The following FHIT variants were observed in gnomAD, a reference collection of about 807,000 sequenced individuals.
FHIT encodes bis(5'-adenosyl)-triphosphatase.
A neutral mutation model predicts 17.9 loss-of-function variants in FHIT; 19 were observed. The ratio of observed to expected loss-of-function variants is 1.06; its 90% confidence interval spans 0.74 to 1.56. The LOEUF (loss-of-function observed/expected upper bound fraction) is 1.56. FHIT is among the 40% of genes most tolerant of loss of function. FHIT has a pLI of 0.00. For synonymous variants in FHIT, 81 were observed against 69.7 expected, an observed-to-expected ratio of 1.16 and a Z score of -0.81; for missense variants, 248 against 189.2, an observed-to-expected ratio of 1.31 and a Z score of -1.82.
chr3:60,563,859 C>G (rs1249183195), intron 4 of FHIT, among the ~76,000 whole-genome samples: 3 of 152,160 alleles, frequency 2.0e-5, no homozygotes, highest in Non-Finnish European at 4.4e-5. Flanking sequence ...GGTGAAGCAG[C>G]AAGTGCTAAT....
At chr3:60,585,416 C>A (rs1374832219) in intron 4 of FHIT, among the ~76,000 whole-genome samples, 2 of 151,926 alleles carry the variant, frequency 1.3e-5, no homozygotes, top group African/African-American at 4.8e-5. Context: ...TGGTAGTCAC[C>A]CTTAAGTTAT....
chr3:59,927,625 C>G (rs1705736331), intron 7 of FHIT, among the ~76,000 whole-genome samples: 1 of 151,802 alleles, frequency 6.6e-6, no homozygotes, highest in Non-Finnish European at 1.5e-5. Flanking sequence ...AAAAGTTAGC[C>G]AGGCGTGGTG....
At chr3:60,575,139 G>C (rs1553657103) in intron 4 of FHIT, among the ~76,000 whole-genome samples, 1 of 151,464 alleles carries the variant, frequency 6.6e-6, no homozygotes, top group East Asian at 2.0e-4. Flanking sequence ...AAGGCAGTAA[G>C]TAATAAGGGT....
chr3:60,424,454 A>G (rs241692), intron 5 of FHIT, among the ~76,000 whole-genome samples: 11,994 of 152,262 alleles, frequency 0.079, 568 homozygotes, highest in Middle Eastern at 0.15. Context: ...TTACAAAGCT[A>G]AAGTCAGAAA....
chr3:60,240,420 A>C (rs562847959), intron 5 of FHIT, among the ~76,000 whole-genome samples: 2 of 152,296 alleles, frequency 1.3e-5, no homozygotes, highest in African/African-American at 4.8e-5. Flanking sequence ...ATCAAACTAC[A>C]ACATATGCTA....
chr3:60,388,369 G>A (rs962301846), intron 5 of FHIT, among the ~76,000 whole-genome samples: 2 of 152,148 alleles, frequency 1.3e-5, no homozygotes, highest in Non-Finnish European at 2.9e-5. Context: ...GGAAGCTGAG[G>A]CAGGCAGACT....
chr3:60,406,738 C>T (rs962114833), intron 5 of FHIT, among the ~76,000 whole-genome samples: 1 of 152,072 alleles, frequency 6.6e-6, no homozygotes, highest in South Asian at 2.1e-4. Flanking sequence ...GCAGCCCAAC[C>T]ATTCCATGAA....
At chr3:60,397,336 C>G (rs1327627316) in intron 5 of FHIT, among the ~76,000 whole-genome samples, 1 of 152,096 alleles carries the variant, frequency 6.6e-6, no homozygotes, top group Non-Finnish European at 1.5e-5. Flanking sequence ...GACCATGATG[C>G]TAATGCTTGT....
intron 5 of FHIT, among the ~76,000 whole-genome samples, chr3:60,182,925 A>G (rs1193392606): frequency 1.3e-5 from 2 of 151,898 alleles, no homozygotes; most frequent in Non-Finnish European, 2.9e-5. Flanking sequence ...AAAAAAAAAA[A>G]AGAAAAAAAA....
In FHIT at chr3:60,008,858, G is replaced by C. The variant is rs376962053; in HGVS notation, c.279+2513C>G. The stretch of plus-strand genomic sequence containing the variant: ...GGCTACTGCAAGACTGGCTTCCAGG[G>C]GTCATAATTATGTGGCCATTGCCAC... On this transcript the variant is annotated intron_variant, in intron 7 of 9. Transcript: ENST00000492590. 1.5e-4 allele frequency among the ~76,000 whole-genome samples: 23 copies of C among 152,286 alleles called. No homozygotes were observed. In the East Asian group the frequency reaches 2.3e-3, roughly 15 times the overall value.
chr3:60,453,961 T>C (rs1032658630), intron 5 of FHIT, among the ~76,000 whole-genome samples: 4 of 151,908 alleles, frequency 2.6e-5, no homozygotes, highest in South Asian at 4.2e-4. Flanking sequence ...CTTCAATCTC[T>C]ATGAGAAAAA....
chr3:60,372,561 C>CA (rs1479866807), intron 5 of FHIT, among the ~76,000 whole-genome samples: 3 of 152,072 alleles, frequency 2.0e-5, no homozygotes, highest in East Asian at 1.9e-4. Context: ...TGGTCCAAGA[C>CA]AAAAAGAGTC....
intron 4 of FHIT, among the ~76,000 whole-genome samples, chr3:60,783,221 C>T (rs983570422): frequency 4.6e-5 from 7 of 152,052 alleles, no homozygotes; most frequent in East Asian, 1.9e-4. Flanking sequence ...TTCCAACATA[C>T]GAATTTGTCT....
intron 8 of FHIT, among the ~76,000 whole-genome samples, chr3:59,826,808 G>T (rs570556359): frequency 2.0e-5 from 3 of 152,178 alleles, no homozygotes; most frequent in Non-Finnish European, 2.9e-5. Context: ...TCCTCATATG[G>T]CTCCAGTAAG....
chr3:59,988,194 AC>A (rs1709071316), intron 7 of FHIT, among the ~76,000 whole-genome samples: 1 of 152,118 alleles, frequency 6.6e-6, no homozygotes, highest in African/African-American at 2.4e-5. Context: ...ACTGCAGGTC[AC>A]CTTCAGTGCT....
At chr3:61,150,549 T>A (rs996074514) in intron 2 of FHIT, among the ~76,000 whole-genome samples, 2 of 152,136 alleles carry the variant, frequency 1.3e-5, no homozygotes, top group African/African-American at 4.8e-5. Flanking sequence ...TGAAAAATGA[T>A]CCTGTATCCC....
intron 5 of FHIT, among the ~76,000 whole-genome samples, chr3:60,043,885 T>G (rs1369570411): frequency 6.6e-6 from 1 of 152,188 alleles, no homozygotes; most frequent in Non-Finnish European, 1.5e-5. Flanking sequence ...AGTGGCAGCC[T>G]ACTTAATTAC....
At chr3:59,923,298 A>G (rs1705503998) in intron 7 of FHIT, among the ~76,000 whole-genome samples, 2 of 151,422 alleles carry the variant, frequency 1.3e-5, no homozygotes, top group Admixed American at 1.3e-4. Flanking sequence ...ACAGAAGAAG[A>G]TATCAATGTT....
chr3:59,847,929 G>A (rs994342396), intron 8 of FHIT, among the ~76,000 whole-genome samples: 3 of 152,258 alleles, frequency 2.0e-5, no homozygotes, highest in Middle Eastern at 6.8e-3. Context: ...CCCAAAAAGG[G>A]AAAGAAGAAA....
Sources: gnomAD v4.1 joint callset for allele counts (sites outside exome capture counted in the v4.1 genomes callset) on GRCh38, gnomAD v4.1.1 for gene constraint, MANE v1.5 for transcripts, NCBI Gene and HGNC (gene_info 2026-07-23, HGNC 2026-07-21) for gene names.